STK26: variants seen among roughly 807,000 people sequenced by gnomAD.
STK26 encodes serine/threonine-protein kinase 26.
In STK26, 14 loss-of-function variants were observed where a neutral mutation model predicts 34.7. The ratio of observed to expected loss-of-function variants is 0.40; its 90% CI spans 0.27 to 0.63. The LOEUF (loss-of-function observed/expected upper bound fraction) is 0.63, where lower values mean the gene tolerates loss of function less well. Among genes scored for constraint, STK26 ranks in the 30% least tolerant of loss-of-function variants. The pLI is 0.38. For synonymous variants in STK26, 100 were observed against 109.8 expected (o/e 0.91, Z 0.56); for missense variants, 226 against 309.1 (o/e 0.73, Z 2.02).
At chrX:132,024,970 G>C (rs1935067074) in intron 2 of STK26, among the ~76,000 whole-genome samples, 1 of 109,156 alleles carries the variant, frequency 9.2e-6, no homozygotes. Flanking sequence ...AAATAGTAGG[G>C]CTTAAAAAAA....
chrX:132,073,127 G>A lies in STK26; in HGVS notation c.1226+34G>A, dbSNP rs368538685. The A allele has an allele frequency of 5.2e-6, 6 of 1,150,250 alleles. No individual in the cohort carries two copies. The African/African-American group carries it at 9.0e-5, about 17-fold the overall frequency. The allele number at this position is 1,150,250 out of a possible 1,213,427, so 94.8% of individuals were successfully genotyped here. On this transcript the variant is annotated intron_variant, in intron 11 of 11. Transcript: ENST00000394334. ...GAAATGTCATTTTAAAAATTATTTT[G>A]CATTTTCTGTTGTATGTTAATTTAT...
chrX:132,063,398 G>A (rs376368984), intron 3 of STK26, 35 bp from the exon 4 acceptor site: 2 of 1,164,987 alleles, frequency 1.7e-6, no homozygotes, highest in African/African-American at 3.6e-5. Flanking sequence ...TTTGGCTCAG[G>A]TTTGTAATTA....
chrX:132,023,331 C>T lies in STK26; in HGVS notation c.-187C>T, dbSNP rs1347280338. 2.1e-6 allele frequency: 1 copy of T among 487,238 alleles called. No homozygotes were observed. The highest frequency in any genetic ancestry group is 2.3e-5 in the African/African-American group (1 of 43,478). 40.2% of individuals were successfully genotyped at this position (487,238 alleles called of 1,213,427 possible). Reference sequence around the variant, plus strand: ...CTCGAGCCCAGGTCCCAGCCACCACCACTCACAGCGCTCGGCGTTCAGGAA... The same window carrying T: ...CTCGAGCCCAGGTCCCAGCCACCACTACTCACAGCGCTCGGCGTTCAGGAA... On this transcript the variant is annotated 5_prime_UTR_variant, in exon 1 of 12. Coordinates refer to ENST00000394334, the MANE Select transcript of STK26 (RefSeq NM_016542.4).
At chrX:132,057,582 G>A (rs1393253933) in intron 3 of STK26, among the ~76,000 whole-genome samples, 1 of 110,913 alleles carries the variant, frequency 9.0e-6, no homozygotes, top group Admixed American at 9.6e-5. Context: ...GTGGAGGGAG[G>A]GGATGATTAA....
rs1409859797 is a variant in STK26 at position 132,072,346 on chromosome X, A to G, written c.1011A>G (p.Lys337=). The change falls in exon 9 of 12, where the codon AAA becomes AAG. Residue 337 remains lysine (K), a synonymous_variant. Coordinates refer to ENST00000394334, the MANE Select transcript of STK26 (RefSeq NM_016542.4). ...TTVRKKPDPK[K]VQNGAEQDLV... ...TACGAAAGAAGCCTGATCCAAAGAA[A>G]GTACAGAATGGGGCAGTATGTATAT... is the stretch of plus-strand genomic sequence containing the variant. 8.3e-7 allele frequency: 1 copy of G among 1,199,121 alleles called. No individual in the cohort carries two copies. The highest frequency in any genetic ancestry group is 1.1e-6 in the Non-Finnish European group (1 of 885,935).
intron 3 of STK26, among the ~76,000 whole-genome samples, chrX:132,059,776 C>G (rs1926985369): frequency 9.1e-6 from 1 of 110,298 alleles, no homozygotes; most frequent in South Asian, 3.8e-4. Flanking sequence ...CCACCATCAC[C>G]AGTATTTATG....
rs1252001337 is a variant in STK26 at position 132,068,408 on chromosome X, C to T, written c.440-4C>T. On this transcript the variant is annotated splice_region_variant and splice_polypyrimidine_tract_variant and intron_variant, in intron 5 of 11. Transcript: ENST00000394334. The stretch of plus-strand genomic sequence containing the variant: ...TTTTTTTGCTTTTCTTTTTTTCCTC[C>T]TAGCTGCCAATGTCTTGCTCTCAGA... 1 of 1,203,322 alleles carries T rather than the reference C, an allele frequency of 8.3e-7. No individual in the cohort carries two copies. The highest frequency in any genetic ancestry group is 1.1e-6 in the Non-Finnish European group (1 of 893,152).
intron 2 of STK26, among the ~76,000 whole-genome samples, chrX:132,036,059 C>G (rs889240925): frequency 1.8e-5 from 2 of 111,459 alleles, no homozygotes; most frequent in South Asian, 7.4e-4. Flanking sequence ...CAACAGGTAC[C>G]CAGTAGGAAA....
chrX:132,070,213 GT>G (rs1045800334), intron 7 of STK26, among the ~76,000 whole-genome samples: 8 of 110,151 alleles, frequency 7.3e-5, no homozygotes, highest in Non-Finnish European at 1.5e-4. Flanking sequence ...TGTATTTTTA[GT>G]AGAGATGGGG....
At chrX:132,047,384 C>A (rs1305278141) in intron 2 of STK26, among the ~76,000 whole-genome samples, 1 of 112,058 alleles carries the variant, frequency 8.9e-6, no homozygotes, top group Non-Finnish European at 1.9e-5. Context: ...CTGCATAAAC[C>A]TAGCACAAAA....
At chrX:132,058,929 T>C (rs1301467210) in intron 3 of STK26, among the ~76,000 whole-genome samples, 4 of 106,622 alleles carry the variant, frequency 3.8e-5, no homozygotes, top group Admixed American at 2.0e-4. Context: ...ACATATGTCT[T>C]GAGACATATG....
chrX:132,061,502 C>T (rs922546992), intron 3 of STK26, among the ~76,000 whole-genome samples: 1 of 112,205 alleles, frequency 8.9e-6, no homozygotes, highest in Non-Finnish European at 1.9e-5. Context: ...GCTTTCTGCT[C>T]ACAGTGCCTG....
intron 2 of STK26, among the ~76,000 whole-genome samples, chrX:132,048,322 T>A (rs1286573560): frequency 4.5e-5 from 5 of 112,231 alleles, no homozygotes; most frequent in Non-Finnish European, 9.4e-5. Context: ...CTTTTAAGTT[T>A]ACATTTTTCA....
chrX:132,050,249 T>A (rs775314850), intron 2 of STK26, among the ~76,000 whole-genome samples: 1 of 111,782 alleles, frequency 8.9e-6, no homozygotes, highest in Admixed American at 9.5e-5. Flanking sequence ...TCATCAATGT[T>A]GGCTGTTATC....
Position 132,068,536 on chromosome X carries a change from T to C in STK26, c.564T>C (p.Pro188=), listed in dbSNP as rs1398664534. Residue 188 remains proline, a synonymous_variant, in exon 6 of 12, where the codon CCT becomes CCC. Transcript: ENST00000394334. ...TFVGTPFWMA[P]EVIQQSAYDS... is the part of the protein sequence containing the mutation. ...TGGGAACTCCATTTTGGATGGCTCC[T>C]GAAGTTATTCAACAGTCAGCTTATG... 1 of 1,210,741 alleles carries C rather than the reference T, an allele frequency of 8.3e-7. No homozygotes were observed. The highest frequency in any genetic ancestry group is 1.1e-6 in the Non-Finnish European group (1 of 895,002).
At chrX:132,073,121 T>G in intron 11 of STK26, 28 bp downstream of exon 11, 1 of 1,157,924 alleles carries the variant, frequency 8.6e-7, no homozygotes, top group South Asian at 1.9e-5. Flanking sequence ...TTTTAAAAAT[T>G]ATTTTGCATT....
chrX:132,023,573 A>T lies in STK26; in HGVS notation c.-45A>T, dbSNP rs1935031013. 1.7e-6 allele frequency: 2 copies of T among 1,165,985 alleles called. No individual in the cohort carries two copies. The highest frequency in any genetic ancestry group is 2.3e-6 in the Non-Finnish European group (2 of 871,783). Reference sequence around the variant, plus strand: ...CGGAGGGAGGAGCCAGTCCGAACCCAAGGCGCCACCGCCGCAGAAGCGGAG... The same window carrying T: ...CGGAGGGAGGAGCCAGTCCGAACCCTAGGCGCCACCGCCGCAGAAGCGGAG... On this transcript the variant is annotated 5_prime_UTR_variant, in exon 2 of 12. Coordinates refer to ENST00000394334, the MANE Select transcript of STK26 (RefSeq NM_016542.4).
At chrX:132,048,991 T>C (rs956449463) in intron 2 of STK26, among the ~76,000 whole-genome samples, 4 of 112,133 alleles carry the variant, frequency 3.6e-5, no homozygotes, top group Non-Finnish European at 7.5e-5. Flanking sequence ...TGTTTTGTTT[T>C]GTTTTGAGAA....
chrX:132,054,834 A>G lies in STK26; in HGVS notation c.246A>G (p.Val82=), dbSNP rs1926802235. The G allele has an allele frequency of 8.3e-7, 1 of 1,201,971 alleles. No homozygotes were observed. Among genetic ancestry groups the G allele is most frequent in the African/African-American group, 1.7e-5 (1 of 57,195 alleles). ...TGAGTCAATGTGACAGCTCATATGT[A>G]ACAAAATACTATGGGTCATATTTAA... is the stretch of plus-strand genomic sequence containing the variant. ...TVLSQCDSSY[V]TKYYGSYLKG... The change falls in exon 3 of 12, where the codon GTA becomes GTG. Residue 82 remains valine (V), a synonymous_variant. Transcript: ENST00000394334.
Sources: gnomAD v4.1 joint callset for allele counts (sites outside exome capture counted in the v4.1 genomes callset) on GRCh38, gnomAD v4.1.1 for gene constraint, MANE v1.5 for transcripts, NCBI Gene and HGNC (gene_info 2026-07-23, HGNC 2026-07-21) for gene names.